Variants in KLK11 observed in about 807,000 individuals in gnomAD.
KLK11 encodes the protein kallikrein related peptidase 11.
Under a neutral mutation model 23.4 loss-of-function variants are expected in KLK11, and 10 were observed. The ratio of observed to expected loss-of-function variants is 0.43; its 90% CI spans 0.26 to 0.73. KLK11 has a LOEUF of 0.73. Ranked by LOEUF, KLK11 falls within the 30% of genes least tolerant of loss-of-function variation. The pLI, the probability that KLK11 is intolerant of heterozygous loss-of-function variation, is 0.22. For synonymous variants in KLK11, 131 were observed against 131.7 expected, an observed-to-expected ratio of 0.99 and a Z score of 0.03; for missense variants, 285 against 327.8, an observed-to-expected ratio of 0.87 and a Z score of 1.01.
upstream of KLK11, chr19:51,027,715 G>T (rs142185184): frequency 4.2e-5 from 24 of 573,510 alleles, no homozygotes; most frequent in African/African-American, 1.7e-4. Flanking sequence ...CCCTTATGAC[G>T]TGGGGACAAG....
Position 51,022,387 on chromosome 19 carries a change from C to T in KLK11, c.*158G>A. The T allele has an allele frequency of 1.2e-6, 1 of 805,134 alleles. No homozygotes were observed. The highest frequency in any genetic ancestry group is 1.6e-5 in the South Asian group (1 of 61,038). 49.9% of individuals were successfully genotyped at this position (805,134 alleles called of 1,614,324 possible). ...AATCCAGGTCTCACTGATTTCGAACCCCAGGTTGATTATTAAGTGACAGCA... is the reference window on the plus strand; with the variant it reads ...AATCCAGGTCTCACTGATTTCGAACTCCAGGTTGATTATTAAGTGACAGCA... On this transcript the variant is annotated 3_prime_UTR_variant, in exon 6 of 6. Coordinates refer to ENST00000453757, the MANE Select transcript of KLK11 (RefSeq NM_001136032.3).
In KLK11 at chr19:51,025,692, C is replaced by A; in HGVS notation, c.-35-26G>T. 7.7e-7 allele frequency: 1 copy of A among 1,304,422 alleles called. No individual in the cohort carries two copies. The highest frequency in any genetic ancestry group is 1.1e-6 in the Non-Finnish European group (1 of 948,048). The allele number at this position is 1,304,422 out of a possible 1,614,324, so 80.8% of individuals were successfully genotyped here. On this transcript the variant is annotated intron_variant, in intron 1 of 5. Transcript: ENST00000453757. The surrounding 1 kb of genome is among the most constrained non-coding windows in gnomAD (Gnocchi z 6.2). ...CTGGGAACAAGGAGGGACATGGGGCCGCATCACTTTACGGGGAAATCGGGA... is the reference window on the plus strand; with the variant it reads ...CTGGGAACAAGGAGGGACATGGGGCAGCATCACTTTACGGGGAAATCGGGA...
Position 51,025,690 on chromosome 19 carries a change from G to A in KLK11, c.-35-24C>T, listed in dbSNP as rs770357065. The stretch of plus-strand genomic sequence containing the variant: ...CTCTGGGAACAAGGAGGGACATGGG[G>A]CCGCATCACTTTACGGGGAAATCGG... On this transcript the variant is annotated intron_variant, in intron 1 of 5. Coordinates refer to ENST00000453757, the MANE Select transcript of KLK11 (RefSeq NM_001136032.3). The surrounding 1 kb of genome is among the most constrained non-coding windows in gnomAD (Gnocchi z 6.2). 3 of 1,329,040 alleles carry A rather than the reference G, an allele frequency of 2.3e-6. No individual in the cohort carries two copies. Among genetic ancestry groups the A allele is most frequent in the Admixed American group, 2.3e-5 (1 of 42,648 alleles). 82.3% of individuals were successfully genotyped at this position (1,329,040 alleles called of 1,614,324 possible). A position where few individuals can be genotyped will look rare whatever the true frequency, so the allele number is the denominator to read the frequency against.
rs750879142 is a variant in KLK11, at chr19:51,024,251, G to A, written c.257C>T (p.Thr86Ile). 52 of 1,613,938 alleles carry A rather than the reference G, an allele frequency of 3.2e-5. No individual in the cohort carries two copies. The highest frequency in any genetic ancestry group is 4.2e-5 in the Non-Finnish European group (50 of 1,179,988). The part of the protein sequence containing the change: ...NLQKEEGCEQ[T>I]RTATESFPHP... ...GGGGAAGGACTCAGTGGCTGTCCGGGTCTGCTCACAGCCCTCCTCCTTCTG... is the reference window on the plus strand; with the variant it reads ...GGGGAAGGACTCAGTGGCTGTCCGGATCTGCTCACAGCCCTCCTCCTTCTG... The change falls in exon 4 of 6, where the codon ACC (threonine) becomes ATC (isoleucine). Residue 86 changes from threonine (T) to isoleucine (I), a missense_variant. Coordinates refer to ENST00000453757, the MANE Select transcript of KLK11 (RefSeq NM_001136032.3). This position sits in a 1 kb window ranked among gnomAD's most constrained non-coding sequence, Gnocchi z 6.2.
intron 1 of KLK11, among the ~76,000 whole-genome samples, chr19:51,026,005 A>T (rs1043661695): frequency 6.6e-6 from 1 of 152,036 alleles, no homozygotes; most frequent in Non-Finnish European, 1.5e-5. Flanking sequence ...ATGTCAGAGG[A>T]TGTTTTCCTT....
Position 51,024,543 on chromosome 19 carries a change from A to G in KLK11, c.197+95T>C. ...CTGACACTACCCATCCCCATCTCTA[A>G]TCCCCTTACCAGCACCCCTATCCCT... On this transcript the variant is annotated intron_variant, in intron 3 of 5. Transcript: ENST00000453757. This position sits in a 1 kb window ranked among gnomAD's most constrained non-coding sequence, Gnocchi z 6.2. 2 of 1,344,618 alleles carry G rather than the reference A, an allele frequency of 1.5e-6. No homozygotes were observed. The highest frequency in any genetic ancestry group is 1.5e-5 in the South Asian group (1 of 66,172). 83.3% of individuals were successfully genotyped at this position (1,344,618 alleles called of 1,614,324 possible).
At chr19:51,023,356 T>C in intron 4 of KLK11, 128 bp from the exon 5 acceptor site, 1 of 1,060,130 alleles carries the variant, frequency 9.4e-7, no homozygotes, top group Non-Finnish European at 1.3e-6. Flanking sequence ...TCTCTTCTTG[T>C]AACAATAGCA....
chr19:51,024,440 C>A lies in KLK11; in HGVS notation c.198-130G>T, dbSNP rs182980573. On this transcript the variant is annotated intron_variant, in intron 3 of 5. Transcript: ENST00000453757. The surrounding 1 kb of genome is among the most constrained non-coding windows in gnomAD (Gnocchi z 6.2). ...ACCTCTTCCACGTCTCCCACCGAAG[C>A]CCCCTTCCCAGCCATAGCCCCATCC... 4 of 1,440,610 alleles carry A rather than the reference C, an allele frequency of 2.8e-6. No homozygotes were observed. The highest frequency in any genetic ancestry group is 3.7e-6 in the Non-Finnish European group (4 of 1,075,328). 89.2% of individuals were successfully genotyped at this position (1,440,610 alleles called of 1,614,324 possible). A position where few individuals can be genotyped will look rare whatever the true frequency, so the allele number is the denominator to read the frequency against.
upstream of KLK11, chr19:51,027,743 G>A: frequency 2.0e-6 from 1 of 511,672 alleles, no homozygotes. Context: ...ACCCCTGCAA[G>A]GCTCAGTTTC....
chr19:51,024,610 C>A lies in KLK11; in HGVS notation c.197+28G>T. ...ATCTCCCCATTCCCAGCCCCCCACCCCGGCACCGCCCCAGCCCCCGCACCC... is the reference window on the plus strand; with the variant it reads ...ATCTCCCCATTCCCAGCCCCCCACCACGGCACCGCCCCAGCCCCCGCACCC... On this transcript the variant is annotated intron_variant, in intron 3 of 5. Coordinates refer to ENST00000453757, the MANE Select transcript of KLK11 (RefSeq NM_001136032.3). This position sits in a 1 kb window ranked among gnomAD's most constrained non-coding sequence, Gnocchi z 6.2. The A allele has an allele frequency of 6.7e-7, 1 of 1,483,130 alleles. No individual in the cohort carries two copies. The highest frequency in any genetic ancestry group is 1.3e-5 in the South Asian group (1 of 75,480). The allele number at this position is 1,483,130 out of a possible 1,614,324, so 91.9% of individuals were successfully genotyped here.
rs2091457516 is a variant in KLK11, at chr19:51,024,771, T to C, written c.64A>G (p.Ile22Val). 1.9e-6 allele frequency: 3 copies of C among 1,595,346 alleles called. No homozygotes were observed. In the East Asian group the frequency reaches 6.9e-5, roughly 37 times the overall value. ...GGCTTGCACTCGAACCCCTTGATGA[T>C]CCTGGTCTCTCCCCCTACAAGCCCT... is the stretch of plus-strand genomic sequence containing the variant. ...ATGLVGGETR[I>V]IKGFECKPHS... Residue 22 changes from isoleucine (I) to valine (V), a missense_variant, in exon 3 of 6, where the codon ATC becomes GTC. By Grantham distance (29) the Ile-to-Val change is conservative. Transcript: ENST00000453757. The surrounding 1 kb of genome is among the most constrained non-coding windows in gnomAD (Gnocchi z 6.2).
chr19:51,024,251 G>T lies in KLK11; in HGVS notation c.257C>A (p.Thr86Asn). The T allele has an allele frequency of 6.2e-6, 10 of 1,614,056 alleles. No individual in the cohort carries two copies. The highest frequency in any genetic ancestry group is 6.8e-6 in the Non-Finnish European group (8 of 1,179,980). ...GGGGAAGGACTCAGTGGCTGTCCGG[G>T]TCTGCTCACAGCCCTCCTCCTTCTG... ...NLQKEEGCEQ[T>N]RTATESFPHP... is the part of the protein sequence containing the mutation. Residue 86 changes from threonine to asparagine, a missense_variant, in exon 4 of 6, where the codon ACC becomes AAC. Thr to Asn is a moderately conservative substitution (Grantham distance 65). Transcript: ENST00000453757. This position sits in a 1 kb window ranked among gnomAD's most constrained non-coding sequence, Gnocchi z 6.2.
In KLK11 at chr19:51,025,234, A is replaced by T. The variant is rs565506390; in HGVS notation, c.40+358T>A. 6.6e-6 allele frequency among the ~76,000 whole-genome samples: 1 copy of T among 151,610 alleles called. No individual in the cohort carries two copies. The highest frequency in any genetic ancestry group is 2.1e-4 in the South Asian group (1 of 4,766). On this transcript the variant is annotated intron_variant, in intron 2 of 5. Coordinates refer to ENST00000453757, the MANE Select transcript of KLK11 (RefSeq NM_001136032.3). This position sits in a 1 kb window ranked among gnomAD's most constrained non-coding sequence, Gnocchi z 6.2. Reference sequence around the variant, plus strand: ...CAGTGAGCCGTGTTGGCACCACGGCACTCCAGCCTGGACAATAGAGCAAGA... The same window carrying T: ...CAGTGAGCCGTGTTGGCACCACGGCTCTCCAGCCTGGACAATAGAGCAAGA...
chr19:51,025,817 T>TCA lies in KLK11; in HGVS notation c.-35-153_-35-152dup. The TCA allele has an allele frequency of 2.0e-6, 1 of 511,352 alleles. No individual in the cohort carries two copies. Among genetic ancestry groups the TCA allele is most frequent in the Non-Finnish European group, 3.5e-6 (1 of 285,544 alleles). The allele number at this position is 511,352 out of a possible 1,614,324, so 31.7% of individuals were successfully genotyped here. The stretch of plus-strand genomic sequence containing the variant: ...GGAAATCCCCTGTTTCTCACAGCAC[T>TCA]CAGATCTCCAAACACTTAAAATATA... On this transcript the variant is annotated intron_variant, in intron 1 of 5. Transcript: ENST00000453757. The surrounding 1 kb of genome is among the most constrained non-coding windows in gnomAD (Gnocchi z 6.2).
At chr19:51,022,742 A>G (rs1293755627) in intron 5 of KLK11, 45 bp from the exon 6 acceptor site, 23 of 1,609,810 alleles carry the variant, frequency 1.4e-5, no homozygotes, top group Non-Finnish European at 1.9e-5. Flanking sequence ...AGCGTTGAGC[A>G]TGGTGTTAGC....
At chr19:51,027,228 G>C (rs1203053455), upstream of KLK11, 5 of 543,148 alleles carry the variant, frequency 9.2e-6, no homozygotes, top group Non-Finnish European at 1.6e-5. Context: ...CAAGGAGAGG[G>C]GGGGTGTGCT....
chr19:51,026,263 G>A (rs2091484796), intron 1 of KLK11, among the ~76,000 whole-genome samples: 1 of 151,974 alleles, frequency 6.6e-6, no homozygotes, highest in Admixed American at 6.6e-5. Context: ...AGCTGGGCGG[G>A]GCTGGTCGAG....
upstream of KLK11, chr19:51,026,881 G>C (rs550298102): frequency 1.3e-5 from 2 of 154,624 alleles, no homozygotes; most frequent in South Asian, 4.1e-4. Context: ...TCTGTGTCTC[G>C]TTCTATGTGT....
At chr19:51,022,994 G>T in intron 5 of KLK11, 98 bp downstream of exon 5, 3 of 1,349,364 alleles carry the variant, frequency 2.2e-6, no homozygotes, top group Non-Finnish European at 3.1e-6. Context: ...AGTTGCAGGG[G>T]TCGGCGGGTT....
Sources: gnomAD v4.1 joint callset for allele counts (sites outside exome capture counted in the v4.1 genomes callset) on GRCh38, gnomAD v4.1.1 for gene constraint, Gnocchi (gnomAD v3.1) non-coding constraint, MANE v1.5 for transcripts, NCBI Gene and HGNC (gene_info 2026-07-23, HGNC 2026-07-21) for gene names.